Variants in GBP5 observed in about 807,000 individuals in gnomAD.
GBP5 encodes guanylate binding protein 5, also known as guanylate-binding protein 5.
Under a neutral mutation model 58.2 loss-of-function variants are expected in GBP5, and 48 were observed. The ratio of observed to expected loss-of-function variants is 0.83; its 90% CI spans 0.65 to 1.05. The LOEUF is 1.05. Among genes scored for constraint, GBP5 ranks in the 50% least tolerant of loss-of-function variants. GBP5 has a pLI of 0.00. For synonymous variants in GBP5, 248 were observed against 251.8 expected, an observed-to-expected ratio of 0.98 and a Z score of 0.14; for missense variants, 714 against 686.8, an observed-to-expected ratio of 1.04 and a Z score of -0.44.
chr1:89,262,736 T>A lies in GBP5; in HGVS notation c.1412A>T (p.His471Leu). The change falls in exon 10 of 12, where the codon CAT (histidine) becomes CTT (leucine). Residue 471 changes from histidine to leucine, a missense_variant. Transcript: ENST00000370459. ...AGCCTGGTCAGTCTGTAATATTGCA[T>A]GACTCACAGACTCCTTGGACTTTAA... Reference protein sequence around the residue: ...KYLKSKESVSHAILQTDQALT... With the variant: ...KYLKSKESVSLAILQTDQALT... The A allele has an allele frequency of 2.5e-6, 4 of 1,599,356 alleles. No homozygotes were observed. The highest frequency in any genetic ancestry group is 3.4e-6 in the Non-Finnish European group (4 of 1,175,950).
chr1:89,259,294 C>T lies in GBP5; in HGVS notation c.*1410G>A, dbSNP rs1234671476. 6.6e-6 allele frequency: 1 copy of T among 152,100 alleles called. No individual in the cohort carries two copies. The highest frequency in any genetic ancestry group is 2.4e-5 in the African/African-American group (1 of 41,402). 9.4% of individuals were successfully genotyped at this position (152,100 alleles called of 1,614,324 possible). A position where few individuals can be genotyped will look rare whatever the true frequency, so the allele number is the denominator to read the frequency against. On this transcript the variant is annotated 3_prime_UTR_variant, in exon 12 of 12. Coordinates refer to ENST00000370459, the MANE Select transcript of GBP5 (RefSeq NM_052942.5). Reference sequence around the variant, plus strand: ...GAAAAGAAAAGGCTTCTTCTTTAGCCCTTAAGCCTATGACACAATTTCCAT... The same window carrying T: ...GAAAAGAAAAGGCTTCTTCTTTAGCTCTTAAGCCTATGACACAATTTCCAT...
chr1:89,267,648 C>A (rs1650279263), intron 4 of GBP5, 122 bp from the exon 5 acceptor site: 2 of 649,914 alleles, frequency 3.1e-6, no homozygotes, highest in Non-Finnish European at 5.5e-6. Context: ...GAAATATTAA[C>A]TTTGAATAGT....
chr1:89,258,707 A>G lies in GBP5; in HGVS notation c.*1997T>C, dbSNP rs1252060296. ...AGCTCCTATCATATTACCTAAGTGG[A>G]AAATTCCTTATATGAGTAAGTACTT... On this transcript the variant is annotated 3_prime_UTR_variant, in exon 12 of 12. Coordinates refer to ENST00000370459, the MANE Select transcript of GBP5 (RefSeq NM_052942.5). Among the ~76,000 whole-genome samples, 1 of 152,192 alleles carries G rather than the reference A, an allele frequency of 6.6e-6. No homozygotes were observed.
At position 89,262,018 on chromosome 1, in the gene GBP5, A is replaced by G. The variant is rs1348608296; in HGVS notation, c.1647+202T>C. On this transcript the variant is annotated intron_variant, in intron 11 of 11. Transcript: ENST00000370459. ...ATCATCACTGTGTCCATTTTACACA[A>G]GAGGAAAATTAGGCACAGAGGTGAT... The G allele has an allele frequency of 5.2e-6, 3 of 571,936 alleles. No individual in the cohort carries two copies. The Admixed American group carries it at 9.5e-5, about 18-fold the overall frequency. The allele number at this position is 571,936 out of a possible 1,614,324, so 35.4% of individuals were successfully genotyped here.
rs1336837586 is a variant in GBP5, at chr1:89,263,961, A to G, written c.1150-13T>C. The G allele has an allele frequency of 1.3e-6, 2 of 1,487,404 alleles. No individual in the cohort carries two copies. Among genetic ancestry groups the G allele is most frequent in the Non-Finnish European group, 1.9e-6 (2 of 1,069,142 alleles). The allele number at this position is 1,487,404 out of a possible 1,614,324, so 92.1% of individuals were successfully genotyped here. A position where few individuals can be genotyped will look rare whatever the true frequency, so the allele number is the denominator to read the frequency against. ...CATCTAGTAGAGTCTTCAAAGAGAC[A>G]AAAACCCATGGAAAAGATGTTAGCA... is the stretch of plus-strand genomic sequence containing the variant. On this transcript the variant is annotated splice_polypyrimidine_tract_variant and intron_variant, in intron 8 of 11. Transcript: ENST00000370459.
rs757815053 is a variant in GBP5, at chr1:89,266,393, T to C, written c.821A>G (p.His274Arg). The change falls in exon 7 of 12, where the codon CAT becomes CGT. Residue 274 changes from histidine (H) to arginine (R), a missense_variant. By Grantham distance (29) the His-to-Arg change is conservative. Transcript: ENST00000370459. ...VTEFCSYIFS[H>R]SMTKTLPGGI... ...ACCTGGAAGAGTCTTGGTCATAGAA[T>C]GGCTAAAGATGTAGGAACAGAATTC... 1.9e-6 allele frequency: 3 copies of C among 1,613,608 alleles called. No individual in the cohort carries two copies. The highest frequency in any genetic ancestry group is 3.3e-5 in the Admixed American group (2 of 60,018).
At position 89,260,716 on chromosome 1, in the gene GBP5, ACATGGAT is replaced by A; in HGVS notation, c.1742_1748del (p.Asp581ValfsTer53). The A allele has an allele frequency of 6.2e-7, 1 of 1,611,208 alleles. No homozygotes were observed. The highest frequency in any genetic ancestry group is 8.5e-7 in the Non-Finnish European group (1 of 1,177,322). ...CATATTTAGCACTTTAGAGTAAAAC[ACATGGAT>A]CATCGTTATTAACAGTCCTCTGGGC... On this transcript the variant is annotated frameshift_variant, in exon 12 of 12. Coordinates refer to ENST00000370459, the MANE Select transcript of GBP5 (RefSeq NM_052942.5). LOFTEE classifies it high-confidence loss of function.
chr1:89,263,659 T>C, intron 9 of GBP5, 77 bp downstream of exon 9: 1 of 930,646 alleles, frequency 1.1e-6, no homozygotes, highest in Non-Finnish European at 1.8e-6. Context: ...CCTGTATACA[T>C]GGCAATTTTC....
Position 89,264,723 on chromosome 1 carries a change from A to G in GBP5, c.1112T>C (p.Phe371Ser). 6.2e-7 allele frequency: 1 copy of G among 1,614,196 alleles called. No individual in the cohort carries two copies. The highest frequency in any genetic ancestry group is 8.5e-7 in the Non-Finnish European group (1 of 1,180,022). ...CTGGAAACTTTGGTCTACATCCTTG[A>G]AAGAGTTTTTCATGAAGACTTCAAT... is the stretch of plus-strand genomic sequence containing the variant. ...EAIEVFMKNSFKDVDQSFQKE... is the reference protein window; with the variant it reads ...EAIEVFMKNSSKDVDQSFQKE... The change falls in exon 8 of 12, where the codon TTC (phenylalanine) becomes TCC (serine). Residue 371 changes from phenylalanine to serine, a missense_variant. Physicochemically the swap from Phe to Ser is radical, Grantham distance 155. Transcript: ENST00000370459.
Position 89,266,966 on chromosome 1 carries a change from G to T in GBP5, c.616C>A (p.Pro206Thr). 6.2e-7 allele frequency: 1 copy of T among 1,600,976 alleles called. No homozygotes were observed. Among genetic ancestry groups the T allele is most frequent in the South Asian group, 1.1e-5 (1 of 87,624 alleles). Residue 206 changes from proline to threonine, a missense_variant, in exon 6 of 12, where the codon CCA becomes ACA. Pro to Thr is a conservative substitution (Grantham distance 38). Transcript: ENST00000370459. The stretch of plus-strand genomic sequence containing the variant: ...CTGAAGTCCCTGTTACCTTGCTTTG[G>T]CCTTAGGGAATTCTCCAGGTATTCA... ...PDEYLENSLR[P>T]KQGSDQRVQN...
rs1649798176 is a variant in GBP5, at chr1:89,256,457, T to C, written c.*4247A>G. Among the ~76,000 whole-genome samples, 1 of 152,236 alleles carries C rather than the reference T, an allele frequency of 6.6e-6. No homozygotes were observed. Among genetic ancestry groups the C allele is most frequent in the Admixed American group, 6.5e-5 (1 of 15,278 alleles). On this transcript the variant is annotated 3_prime_UTR_variant, in exon 12 of 12. Coordinates refer to ENST00000370459, the MANE Select transcript of GBP5 (RefSeq NM_052942.5). ...ACCTGGGTTGTTACTTGTGCGTTCATCTTGTAATTTATTTATATTGAATAT... is the reference window on the plus strand; with the variant it reads ...ACCTGGGTTGTTACTTGTGCGTTCACCTTGTAATTTATTTATATTGAATAT...
At position 89,269,337 on chromosome 1, in the gene GBP5, T is replaced by C. The variant is rs368012208; in HGVS notation, c.190+29A>G. 276 of 1,609,162 alleles carry C rather than the reference T, an allele frequency of 1.7e-4. No homozygotes were observed. The African/African-American group carries it at 3.1e-3, about 18-fold the overall frequency. On this transcript the variant is annotated intron_variant, in intron 3 of 11. Transcript: ENST00000370459. Reference sequence around the variant, plus strand: ...GTGACTGTGTGAATGGACAGAAGGGTTTGGCAGAGCTTTGCTGGTACCACT... The same window carrying C: ...GTGACTGTGTGAATGGACAGAAGGGCTTGGCAGAGCTTTGCTGGTACCACT...
intron 11 of GBP5, 159 bp downstream of exon 11, chr1:89,262,061 C>G (rs983038410): frequency 1.5e-6 from 1 of 679,542 alleles, no homozygotes; most frequent in Non-Finnish European, 2.6e-6. Flanking sequence ...TTGCCTAAAC[C>G]ATATACTTAC....
chr1:89,257,986 G>T lies in GBP5; in HGVS notation c.*2718C>A, dbSNP rs1326983329. On this transcript the variant is annotated 3_prime_UTR_variant, in exon 12 of 12. Coordinates refer to ENST00000370459, the MANE Select transcript of GBP5 (RefSeq NM_052942.5). Reference sequence around the variant, plus strand: ...AGATCAGTTGATTTCACAACAGTAAGACAAAGAAAGTCAGAAAATATAAGC... The same window carrying T: ...AGATCAGTTGATTTCACAACAGTAATACAAAGAAAGTCAGAAAATATAAGC... 2.6e-5 allele frequency among the ~76,000 whole-genome samples: 4 copies of T among 152,166 alleles called. No individual in the cohort carries two copies. Among genetic ancestry groups the T allele is most frequent in the African/African-American group, 9.7e-5 (4 of 41,444 alleles).
chr1:89,269,547 T>G lies in GBP5; in HGVS notation c.9A>C (p.Leu3Phe). The G allele has an allele frequency of 6.2e-7, 1 of 1,612,490 alleles. No individual in the cohort carries two copies. Among genetic ancestry groups the G allele is most frequent in the Non-Finnish European group, 8.5e-7 (1 of 1,178,574 alleles). The change falls in exon 3 of 12, where the codon TTA becomes TTC. Residue 3 changes from leucine to phenylalanine, a missense_variant. Physicochemically the swap from Leu to Phe is conservative, Grantham distance 22. Coordinates refer to ENST00000370459, the MANE Select transcript of GBP5 (RefSeq NM_052942.5). MA[L>F]EIHMSDPMCL... ...ACATGGGGTCTGACATGTGGATCTC[T>G]AAAGCCATGTCTAGGATGTTACTTT...
In GBP5 at chr1:89,263,754, C is replaced by T. The variant is rs781151989; in HGVS notation, c.1344G>A (p.Glu448=). 2.3e-5 allele frequency: 37 copies of T among 1,613,042 alleles called. No homozygotes were observed. In the South Asian group the frequency reaches 3.8e-4, roughly 17 times the overall value. ...TEELKAKYYR[E]PRKGIQAEEV... ...GGGATACCTGTATTCCTTTCCGAGGCTCCCGATAGTACTTTGCCTTCAGTT... is the reference window on the plus strand; with the variant it reads ...GGGATACCTGTATTCCTTTCCGAGGTTCCCGATAGTACTTTGCCTTCAGTT... The change falls in exon 9 of 12, where the codon GAG becomes GAA. Residue 448 remains glutamate, a synonymous_variant. Coordinates refer to ENST00000370459, the MANE Select transcript of GBP5 (RefSeq NM_052942.5).
chr1:89,269,631 G>A (rs3806338), intron 2 of GBP5, 57 bp from the exon 3 acceptor site: 170,678 of 1,236,552 alleles, frequency 0.14, 12,945 homozygotes, highest in East Asian at 0.24. Context: ...AATAAGCAAA[G>A]GAAGTCATTT....
chr1:89,261,417 G>A (rs1045472295), intron 11 of GBP5, among the ~76,000 whole-genome samples: 1 of 152,168 alleles, frequency 6.6e-6, no homozygotes, highest in African/African-American at 2.4e-5. Context: ...TGTCTCATTA[G>A]GGTGCTGACA....
Position 89,268,762 on chromosome 1 carries a change from C to T in GBP5, c.285G>A (p.Leu95=). The T allele has an allele frequency of 6.2e-7, 1 of 1,613,956 alleles. No homozygotes were observed. The highest frequency in any genetic ancestry group is 8.5e-7 in the Non-Finnish European group (1 of 1,179,982). The change falls in exon 4 of 12, where the codon CTG becomes CTA. Residue 95 remains leucine (L), a synonymous_variant. Coordinates refer to ENST00000370459, the MANE Select transcript of GBP5 (RefSeq NM_052942.5). ...HPNWPNHTLV[L]LDTEGLGDVE... ...CATCTCCCAGGCCCTCGGTGTCAAG[C>T]AGAACTAATGTGTGATTTGGCCAGT...
Sources: allele counts gnomAD v4.1 joint callset (sites outside exome capture counted in the v4.1 genomes callset), GRCh38; gene constraint gnomAD v4.1.1; transcripts MANE v1.5; gene names NCBI Gene and HGNC (gene_info 2026-07-23, HGNC 2026-07-21).